Variants in GOLGA4 observed in about 807,000 individuals in gnomAD.
GOLGA4 encodes golgin A4.
In GOLGA4, 169 loss-of-function variants were observed where a neutral mutation model predicts 265.9. That is an observed-to-expected ratio of 0.64 (90% CI 0.56 to 0.72). The LOEUF is 0.72. Ranked by LOEUF, GOLGA4 falls within the 30% of genes least tolerant of loss-of-function variation. GOLGA4 has a pLI of 0.00. For missense variants in GOLGA4, 2,482 were observed against 2,483.4 expected, an observed-to-expected ratio of 1.00 and a Z score of 0.01; for synonymous variants, 923 against 855.8, an observed-to-expected ratio of 1.08 and a Z score of -1.37.
rs1320573137 is a variant in GOLGA4 at position 37,327,743 on chromosome 3, C to T, written c.5857C>T (p.Leu1953Phe). 32 of 1,612,980 alleles carry T rather than the reference C, an allele frequency of 2.0e-5. No homozygotes were observed. The highest frequency in any genetic ancestry group is 2.7e-5 in the Non-Finnish European group (32 of 1,179,080). The change falls in exon 14 of 24, where the codon CTT (leucine) becomes TTT (phenylalanine). Residue 1953 changes from leucine to phenylalanine, a missense_variant. By Grantham distance (22) the Leu-to-Phe change is conservative. Coordinates refer to ENST00000361924, the MANE Select transcript of GOLGA4 (RefSeq NM_002078.5). ...GGAGATTGTTAGATTGCAGAAAGACCTTCGAATGTTGAGAAAGGAGCATCA... is the reference window on the plus strand; with the variant it reads ...GGAGATTGTTAGATTGCAGAAAGACTTTCGAATGTTGAGAAAGGAGCATCA... ...GKEIVRLQKD[L>F]RMLRKEHQQE...
At chr3:37,269,168 A>G (rs2096791521) in intron 2 of GOLGA4, among the ~76,000 whole-genome samples, 1 of 152,214 alleles carries the variant, frequency 6.6e-6, no homozygotes, top group African/African-American at 2.4e-5. Flanking sequence ...GTTTTTATCT[A>G]ATTTTCCCCT....
At chr3:37,336,606 CA>C (rs556236243) in intron 17 of GOLGA4, among the ~76,000 whole-genome samples, 51,660 of 136,080 alleles carry the variant, frequency 0.38, 9,309 homozygotes, top group Non-Finnish European at 0.42. Context: ...GCTAAAAATA[CA>C]AAAAAAAAAA....
chr3:37,301,871 C>G (rs1300541840), intron 9 of GOLGA4, among the ~76,000 whole-genome samples: 1 of 152,142 alleles, frequency 6.6e-6, no homozygotes, highest in Non-Finnish European at 1.5e-5. Flanking sequence ...TCACTTCAAC[C>G]TCTGCCCCCT....
intron 2 of GOLGA4, chr3:37,266,967 T>C (rs912122548): frequency 9.3e-7 from 1 of 1,074,408 alleles, no homozygotes. Context: ...CTTTCTGCAT[T>C]CCCTTTGTGG....
chr3:37,331,574 A>G (rs1189711280), intron 16 of GOLGA4, among the ~76,000 whole-genome samples: 1 of 152,200 alleles, frequency 6.6e-6, no homozygotes, highest in Non-Finnish European at 1.5e-5. Flanking sequence ...TGGGATTTGT[A>G]TGTATTATGT....
At chr3:37,342,007 T>C (rs1437185176) in intron 20 of GOLGA4, among the ~76,000 whole-genome samples, 1 of 152,184 alleles carries the variant, frequency 6.6e-6, no homozygotes, top group Admixed American at 6.5e-5. Context: ...AGCATTGTGG[T>C]GCAGTATGTA....
chr3:37,323,635 C>A lies in GOLGA4; in HGVS notation c.1749C>A (p.Asn583Lys). 6.3e-7 allele frequency: 1 copy of A among 1,579,206 alleles called. No individual in the cohort carries two copies. The highest frequency in any genetic ancestry group is 8.6e-7 in the Non-Finnish European group (1 of 1,168,458). Residue 583 changes from asparagine to lysine, a missense_variant, in exon 14 of 24, where the codon AAC becomes AAA. Around this residue, in one of 3 missense-constraint regions of GOLGA4, gnomAD observed 1,536 missense variants for 1,483.7 expected, o/e 1.04. Coordinates refer to ENST00000361924, the MANE Select transcript of GOLGA4 (RefSeq NM_002078.5). ...CTTTGGAAAAAAGCTTACAAGAAAA[C>A]AAAAATCAGTCAAAAGATTTGGCTG... ...ESSLEKSLQE[N>K]KNQSKDLAVH... is the part of the protein sequence containing the mutation.
chr3:37,276,056 G>C, intron 2 of GOLGA4: 4 of 1,612,620 alleles, frequency 2.5e-6, no homozygotes, highest in Non-Finnish European at 3.4e-6. Flanking sequence ...TGAGACAAAT[G>C]CTCGAGATAC....
chr3:37,289,658 G>A (rs2096859902), intron 5 of GOLGA4, among the ~76,000 whole-genome samples: 1 of 151,990 alleles, frequency 6.6e-6, no homozygotes, highest in South Asian at 2.1e-4. Context: ...GAGGGGGGTG[G>A]GTAATTTTTC....
Position 37,326,616 on chromosome 3 carries a change from A to G in GOLGA4, c.4730A>G (p.Asp1577Gly), listed in dbSNP as rs1578714856. 3.1e-6 allele frequency: 5 copies of G among 1,613,316 alleles called. No individual in the cohort carries two copies. The East Asian group carries it at 1.1e-4, about 36-fold the overall frequency. Residue 1577 changes from aspartate (D) to glycine (G), a missense_variant, in exon 14 of 24, where the codon GAC becomes GGC. Asp to Gly is a moderately conservative substitution (Grantham distance 94, BLOSUM62 -1). Coordinates refer to ENST00000361924, the MANE Select transcript of GOLGA4 (RefSeq NM_002078.5). ...TTTCAAGAGTTAGGAGAAGAAAAGGACAACAGGGTTAAAGAAGCTGAAGAA... is the reference window on the plus strand; with the variant it reads ...TTTCAAGAGTTAGGAGAAGAAAAGGGCAACAGGGTTAAAGAAGCTGAAGAA... ...QHFQELGEEK[D>G]NRVKEAEEKI...
chr3:37,251,346 C>G, intron 1 of GOLGA4, 49 bp from the exon 2 acceptor site: 1 of 1,139,224 alleles, frequency 8.8e-7, no homozygotes, highest in Admixed American at 1.7e-5. Context: ...GTTCATAGTT[C>G]ACTAGTCAAT....
intron 16 of GOLGA4, chr3:37,329,443 G>A (rs1050851611): frequency 1.9e-5 from 3 of 158,918 alleles, no homozygotes. Flanking sequence ...CCTGTGCTTC[G>A]GTGAAGTCTA....
intron 17 of GOLGA4, among the ~76,000 whole-genome samples, chr3:37,336,550 C>T (rs980141248): frequency 2.6e-5 from 4 of 151,014 alleles, no homozygotes; most frequent in Admixed American, 1.3e-4. Flanking sequence ...CACCTGAGGT[C>T]GGGAGTTCGA....
chr3:37,264,418 A>G (rs2096778136), intron 2 of GOLGA4, among the ~76,000 whole-genome samples: 1 of 152,200 alleles, frequency 6.6e-6, no homozygotes, highest in Non-Finnish European at 1.5e-5. Flanking sequence ...TACTAATACT[A>G]AAATTGAGAA....
Position 37,262,227 on chromosome 3 carries a change from C to T in GOLGA4, c.162+10743C>T, listed in dbSNP as rs949456648. On this transcript the variant is annotated intron_variant, in intron 2 of 23. Coordinates refer to ENST00000361924, the MANE Select transcript of GOLGA4 (RefSeq NM_002078.5). ...CTAATTAGAAATCCTGGAAATTGGC[C>T]GGGCGTGGTGGCTCACGCCTGTAAT... 5.9e-5 allele frequency among the ~76,000 whole-genome samples: 9 copies of T among 152,142 alleles called. No individual in the cohort carries two copies. In the South Asian group the frequency reaches 8.3e-4, roughly 14 times the overall value.
intron 10 of GOLGA4, 102 bp from the exon 11 acceptor site, chr3:37,315,318 T>C (rs2096934552): frequency 1.1e-6 from 1 of 931,072 alleles, no homozygotes; most frequent in Admixed American, 2.7e-5. Context: ...TTTTAACCTA[T>C]CCTGCTACTG....
At chr3:37,271,911 T>C (rs1045222866) in intron 2 of GOLGA4, among the ~76,000 whole-genome samples, 3 of 152,072 alleles carry the variant, frequency 2.0e-5, no homozygotes, top group Non-Finnish European at 2.9e-5. Flanking sequence ...TGACATTAGA[T>C]TGTCATAGGA....
At chr3:37,261,254 C>T (rs1315001032) in intron 2 of GOLGA4, among the ~76,000 whole-genome samples, 1 of 152,156 alleles carries the variant, frequency 6.6e-6, no homozygotes, top group East Asian at 1.9e-4. Flanking sequence ...AAATCCTCAC[C>T]TGGAAGACTT....
intron 5 of GOLGA4, 124 bp from the exon 6 acceptor site, chr3:37,294,855 C>T (rs1032424476): frequency 3.4e-6 from 2 of 590,670 alleles, no homozygotes; most frequent in African/African-American, 1.9e-5. Flanking sequence ...TAATTATTCT[C>T]TAATTATTGT....
Sources: allele counts gnomAD v4.1 joint callset (sites outside exome capture counted in the v4.1 genomes callset), GRCh38; gene constraint gnomAD v4.1.1; regional missense constraint gnomAD v4.1.1; transcripts MANE v1.5; gene names NCBI Gene and HGNC (gene_info 2026-07-23, HGNC 2026-07-21).